The following ARL15 variants were observed in gnomAD, a reference collection of about 807,000 sequenced individuals.
The protein encoded by ARL15 is ADP-ribosylation factor-like protein 15.
ARL15 carries 19 observed loss-of-function variants against 25.2 expected under a neutral mutation model. That is an observed-to-expected ratio of 0.75 (90% CI 0.53 to 1.10). ARL15 has a LOEUF of 1.10. ARL15 is among the 50% of genes least tolerant of loss of function. The probability of loss-of-function intolerance (pLI) is 0.00; values close to 1 mark genes in which losing one functional copy is unlikely to be tolerated. For synonymous variants in ARL15, 94 were observed against 86.8 expected (o/e 1.08, Z -0.46); for missense variants, 220 against 246.0 (o/e 0.89, Z 0.71).
intron 4 of ARL15, among the ~76,000 whole-genome samples, chr5:53,965,293 T>A (rs974442836): frequency 3.9e-5 from 6 of 152,200 alleles, no homozygotes; most frequent in African/African-American, 1.4e-4. Flanking sequence ...AATTTATTCA[T>A]GGTATTTTGG....
At chr5:54,202,057 GAGCTCTCTCTTT>G (rs1194210399) in intron 1 of ARL15, among the ~76,000 whole-genome samples, 1 of 152,096 alleles carries the variant, frequency 6.6e-6, no homozygotes, top group Non-Finnish European at 1.5e-5. Context: ...TCATATGAAT[GAGCTCTCTCTTT>G]AGCTCAATAA....
At chr5:54,133,321 A>C (rs1030419660) in intron 3 of ARL15, among the ~76,000 whole-genome samples, 2 of 152,200 alleles carry the variant, frequency 1.3e-5, no homozygotes, top group Non-Finnish European at 2.9e-5. Flanking sequence ...AAAGAGTCGA[A>C]GTTCCACACA....
chr5:54,144,172 T>G (rs1753845453), intron 3 of ARL15, among the ~76,000 whole-genome samples: 1 of 152,026 alleles, frequency 6.6e-6, no homozygotes, highest in Non-Finnish European at 1.5e-5. Flanking sequence ...TTAATTATAT[T>G]TGGAATTGAG....
chr5:54,108,871 A>G (rs1752659512), intron 4 of ARL15, among the ~76,000 whole-genome samples: 1 of 152,038 alleles, frequency 6.6e-6, no homozygotes, highest in African/African-American at 2.4e-5. Context: ...CTTCCAGAAG[A>G]TGTCTAATAC....
At chr5:54,288,251 A>C (rs1190776138) in intron 1 of ARL15, among the ~76,000 whole-genome samples, 3 of 152,254 alleles carry the variant, frequency 2.0e-5, no homozygotes, top group Non-Finnish European at 4.4e-5. Context: ...TAGGAATGGC[A>C]GCATGATCAA....
intron 4 of ARL15, among the ~76,000 whole-genome samples, chr5:53,887,185 A>T (rs1744555328): frequency 6.6e-6 from 1 of 152,206 alleles, no homozygotes; most frequent in Admixed American, 6.5e-5. Context: ...ATAACACAAC[A>T]AAAATCTAAT....
At chr5:54,140,688 T>G (rs936402743) in intron 3 of ARL15, among the ~76,000 whole-genome samples, 12 of 152,058 alleles carry the variant, frequency 7.9e-5, no homozygotes, top group African/African-American at 2.9e-4. Context: ...TGAGGCAAAA[T>G]GCAAATGGAA....
At chr5:54,058,327 C>A (rs923428681) in intron 4 of ARL15, among the ~76,000 whole-genome samples, 2 of 152,002 alleles carry the variant, frequency 1.3e-5, no homozygotes, top group Non-Finnish European at 2.9e-5. Flanking sequence ...TTTAAAAGAT[C>A]CCTCACACTT....
intron 4 of ARL15, among the ~76,000 whole-genome samples, chr5:53,907,213 C>T (rs890041296): frequency 4.0e-5 from 6 of 151,874 alleles, no homozygotes; most frequent in African/African-American, 1.5e-4. Context: ...GTTACTATTC[C>T]TCCCACATTC....
At chr5:54,141,795 A>G (rs1753789758) in intron 3 of ARL15, among the ~76,000 whole-genome samples, 1 of 152,218 alleles carries the variant, frequency 6.6e-6, no homozygotes, top group African/African-American at 2.4e-5. Context: ...ATATAAATAG[A>G]ATACAAATTT....
chr5:54,055,549 C>A (rs944227430), intron 4 of ARL15, among the ~76,000 whole-genome samples: 3 of 151,728 alleles, frequency 2.0e-5, no homozygotes, highest in Non-Finnish European at 4.4e-5. Context: ...TTAGTAGAGA[C>A]GAGGTTTCAC....
At chr5:54,240,703 T>A (rs546848540) in intron 1 of ARL15, among the ~76,000 whole-genome samples, 1 of 152,316 alleles carries the variant, frequency 6.6e-6, no homozygotes. Context: ...ACCCTTCTCA[T>A]GATTTGAAAT....
At chr5:54,185,657 C>A (rs1755215432) in intron 1 of ARL15, among the ~76,000 whole-genome samples, 2 of 152,094 alleles carry the variant, frequency 1.3e-5, no homozygotes, top group African/African-American at 4.8e-5. Flanking sequence ...GATAGCTAAT[C>A]TAGAAAATAG....
rs255747 is a variant in ARL15, at chr5:54,022,540, T to A, written c.462+90662A>T. ...GACTAAAGGTCAAAACCACCTATTC[T>A]GAAGATTGCTAGCTGAGAGACTTTA... On this transcript the variant is annotated intron_variant, in intron 4 of 4. Transcript: ENST00000504924. Among the ~76,000 whole-genome samples, 7 of 151,548 alleles carry A rather than the reference T, an allele frequency of 4.6e-5. No individual in the cohort carries two copies. The South Asian group carries it at 8.3e-4, about 18-fold the overall frequency.
chr5:54,142,056 T>A (rs781615313), intron 3 of ARL15, among the ~76,000 whole-genome samples: 1 of 152,220 alleles, frequency 6.6e-6, no homozygotes, highest in Non-Finnish European at 1.5e-5. Context: ...TTTTCACTTC[T>A]CCTAAGAGTG....
chr5:53,989,414 A>G (rs1011934229), intron 4 of ARL15, among the ~76,000 whole-genome samples: 1 of 152,200 alleles, frequency 6.6e-6, no homozygotes, highest in African/African-American at 2.4e-5. Flanking sequence ...TTTCAAAAAC[A>G]TTCCTCGCTT....
rs76517834 is a variant in ARL15, at chr5:54,122,676, C to T, written c.254-9266G>A. 2.7e-3 allele frequency among the ~76,000 whole-genome samples: 405 copies of T among 152,252 alleles called. 4 individuals are homozygous for T. The highest frequency in any genetic ancestry group is 9.3e-3 in the African/African-American group (388 of 41,548). On this transcript the variant is annotated intron_variant, in intron 3 of 4. Coordinates refer to ENST00000504924, the MANE Select transcript of ARL15 (RefSeq NM_019087.3). The stretch of plus-strand genomic sequence containing the variant: ...GGGGTGCCATTTGTAGGCAAGTACT[C>T]TTCTTTTTTTCTGTCAAGTAGATTT...
chr5:54,076,360 G>C (rs1389624393), intron 4 of ARL15, among the ~76,000 whole-genome samples: 1 of 151,790 alleles, frequency 6.6e-6, no homozygotes, highest in African/African-American at 2.4e-5. Context: ...GGCGGAGCTT[G>C]CAGTGAGCTG....
chr5:53,932,056 A>T (rs1746209083), intron 4 of ARL15, among the ~76,000 whole-genome samples: 1 of 152,232 alleles, frequency 6.6e-6, no homozygotes, highest in Non-Finnish European at 1.5e-5. Flanking sequence ...AAATTAGTTC[A>T]CACTTTGCTG....
Sources: allele counts gnomAD v4.1 joint callset (sites outside exome capture counted in the v4.1 genomes callset), GRCh38; gene constraint gnomAD v4.1.1; transcripts MANE v1.5; gene names NCBI Gene and HGNC (gene_info 2026-07-23, HGNC 2026-07-21).